MYO3B: variants seen among roughly 807,000 people sequenced by gnomAD.
The protein encoded by MYO3B is myosin-IIIb.
MYO3B carries 156 observed loss-of-function variants against 174.6 expected under a neutral mutation model. The observed-to-expected ratio is 0.89, with a 90% CI of 0.78 to 1.02. MYO3B has a LOEUF of 1.02. Ranked by LOEUF, MYO3B falls within the 50% of genes least tolerant of loss-of-function variation. MYO3B has a pLI of 0.00. For missense variants in MYO3B, 1,632 were observed against 1,639.4 expected, an observed-to-expected ratio of 1.00 and a Z score of 0.08; for synonymous variants, 563 against 569.1, an observed-to-expected ratio of 0.99 and a Z score of 0.15.
At chr2:170,630,690 C>A (rs546778813) in intron 32 of MYO3B, among the ~76,000 whole-genome samples, 1 of 152,182 alleles carries the variant, frequency 6.6e-6, no homozygotes. Context: ...CCCTCTGAGA[C>A]GAAGCTTCAG....
chr2:170,623,151 G>A (rs901151604), intron 32 of MYO3B, among the ~76,000 whole-genome samples: 10 of 152,164 alleles, frequency 6.6e-5, no homozygotes, highest in Non-Finnish European at 1.3e-4. Flanking sequence ...TCGCCACACT[G>A]TCTTCCACAA....
chr2:170,386,991 T>G (rs923277450), intron 13 of MYO3B, 115 bp from the exon 14 acceptor site: 14 of 939,730 alleles, frequency 1.5e-5, no homozygotes, highest in Middle Eastern at 2.6e-4. Context: ...GTCCCCCAAA[T>G]GGGGCTCTTT....
At chr2:170,382,673 G>A (rs547464902) in intron 10 of MYO3B, 1 of 179,840 alleles carries the variant, frequency 5.6e-6, no homozygotes, top group South Asian at 1.3e-4. Context: ...ATGCCACCTA[G>A]GTTTTAAGTG....
chr2:170,463,586 C>T (rs1684440832), intron 24 of MYO3B, 141 bp downstream of exon 24: 12 of 718,236 alleles, frequency 1.7e-5, no homozygotes, highest in Non-Finnish European at 2.3e-6. Flanking sequence ...GTGGTGGAAG[C>T]AAGGAAGGAA....
chr2:170,650,169 A>T (rs1698897844), intron 32 of MYO3B, among the ~76,000 whole-genome samples: 1 of 151,474 alleles, frequency 6.6e-6, no homozygotes, highest in African/African-American at 2.4e-5. Context: ...AGCAGCTGGG[A>T]CTACAGGCGC....
rs1478672784 is a variant in MYO3B at position 170,652,168 on chromosome 2, T to G, written c.3887+14T>G. ...AAGAAAACTTGGGTAAATATCTGTC[T>G]TCTTAGTTCTAAGCAACTGTAAACA... On this transcript the variant is annotated intron_variant, in intron 34 of 34. Transcript: ENST00000408978. 1.2e-6 allele frequency: 2 copies of G among 1,612,958 alleles called. No homozygotes were observed. The highest frequency in any genetic ancestry group is 1.7e-6 in the Non-Finnish European group (2 of 1,179,262).
Position 170,426,481 on chromosome 2 carries a change from A to G in MYO3B, c.2651-17486A>G, listed in dbSNP as rs566402345. Among the ~76,000 whole-genome samples, 4 of 151,278 alleles carry G rather than the reference A, an allele frequency of 2.6e-5. No individual in the cohort carries two copies. The South Asian group carries it at 8.4e-4, about 32-fold the overall frequency. ...CTCCTGAGTAGCTGGGACTACAGGC[A>G]CCCACCACCATGCCCGGATGATTTT... On this transcript the variant is annotated intron_variant, in intron 22 of 34. Coordinates refer to ENST00000408978, the MANE Select transcript of MYO3B (RefSeq NM_138995.5).
intron 32 of MYO3B, among the ~76,000 whole-genome samples, chr2:170,643,478 C>T (rs2105453556): frequency 6.6e-6 from 1 of 152,226 alleles, no homozygotes; most frequent in Middle Eastern, 3.4e-3. Context: ...AGTGATGCAC[C>T]TTTCTTTATG....
At chr2:170,526,674 G>A (rs1689023447) in intron 30 of MYO3B, among the ~76,000 whole-genome samples, 1 of 152,112 alleles carries the variant, frequency 6.6e-6, no homozygotes, top group Admixed American at 6.6e-5. Context: ...AGACTTTCTA[G>A]ATTTTTAAAA....
At chr2:170,583,565 G>C (rs1332347462) in intron 32 of MYO3B, among the ~76,000 whole-genome samples, 1 of 152,106 alleles carries the variant, frequency 6.6e-6, no homozygotes, top group African/African-American at 2.4e-5. Context: ...TTTCTCTGTG[G>C]AAAAATTAAG....
At position 170,400,183 on chromosome 2, in the gene MYO3B, T is replaced by G. The variant is rs1463190010; in HGVS notation, c.1792-5T>G. 2.7e-5 allele frequency: 44 copies of G among 1,613,934 alleles called. No individual in the cohort carries two copies. The highest frequency in any genetic ancestry group is 3.6e-5 in the Non-Finnish European group (43 of 1,179,970). ...TTCATATATGGTTCTTGATGTCCTT[T>G]TCAGGAGGTGCACTCAGTGTACAGA... On this transcript the variant is annotated splice_polypyrimidine_tract_variant and splice_region_variant and intron_variant, in intron 16 of 34. Transcript: ENST00000408978.
chr2:170,534,611 A>G (rs537728992), intron 30 of MYO3B, among the ~76,000 whole-genome samples: 2 of 152,188 alleles, frequency 1.3e-5, no homozygotes, highest in Admixed American at 6.5e-5. Context: ...ACGCCTGACT[A>G]AATTTTTTTG....
chr2:170,229,763 T>C (rs1037117306), intron 6 of MYO3B, among the ~76,000 whole-genome samples: 4 of 152,206 alleles, frequency 2.6e-5, no homozygotes, highest in African/African-American at 7.2e-5. Context: ...TCACATATAG[T>C]ATAATACAGA....
chr2:170,378,579 A>C (rs2094311407), intron 9 of MYO3B, among the ~76,000 whole-genome samples: 1 of 152,232 alleles, frequency 6.6e-6, no homozygotes, highest in Non-Finnish European at 1.5e-5. Context: ...ATTTGCAGAC[A>C]ACATCTGCAT....
intron 32 of MYO3B, among the ~76,000 whole-genome samples, chr2:170,619,379 C>A (rs867738816): frequency 6.6e-6 from 1 of 152,148 alleles, no homozygotes; most frequent in Non-Finnish European, 1.5e-5. Context: ...CTGCATGCAA[C>A]TTTGTATTTA....
intron 32 of MYO3B, among the ~76,000 whole-genome samples, chr2:170,594,122 A>G (rs1270005674): frequency 2.6e-5 from 4 of 152,120 alleles, no homozygotes; most frequent in Middle Eastern, 3.2e-3. Flanking sequence ...ACCCAAGCTC[A>G]TCTATCCGAA....
chr2:170,478,525 A>C (rs1685455062), intron 25 of MYO3B, among the ~76,000 whole-genome samples: 1 of 11,698 alleles, frequency 8.5e-5, no homozygotes, highest in Non-Finnish European at 1.5e-4. Context: ...GTTATTGTAC[A>C]CACACACACA....
At chr2:170,615,357 G>A (rs1480303505) in intron 32 of MYO3B, among the ~76,000 whole-genome samples, 2 of 152,218 alleles carry the variant, frequency 1.3e-5, no homozygotes, top group Non-Finnish European at 2.9e-5. Context: ...CACTTGTATA[G>A]AAGGTGACAC....
At chr2:170,494,704 G>A (rs1470327909) in intron 25 of MYO3B, among the ~76,000 whole-genome samples, 1 of 124,298 alleles carries the variant, frequency 8.0e-6, no homozygotes, top group East Asian at 2.5e-4. Context: ...CTCCAGCCTG[G>A]GCAACAGAGT....
Sources: gnomAD v4.1 joint callset for allele counts (sites outside exome capture counted in the v4.1 genomes callset) on GRCh38, gnomAD v4.1.1 for gene constraint, MANE v1.5 for transcripts, NCBI Gene and HGNC (gene_info 2026-07-23, HGNC 2026-07-21) for gene names.